The following INTS2 variants were observed in gnomAD, a reference collection of about 807,000 sequenced individuals.
The protein encoded by INTS2 is KIAA1287.
INTS2 carries 57 observed loss-of-function variants against 139.6 expected under a neutral mutation model. That is an observed-to-expected ratio of 0.41 (90% CI 0.33 to 0.51). INTS2 has a LOEUF of 0.51. INTS2 is among the 20% of genes least tolerant of loss of function. The pLI is 0.28. For synonymous variants in INTS2, 473 were observed against 493.4 expected (o/e 0.96, Z 0.55); for missense variants, 1,196 against 1,436.7 (o/e 0.83, Z 2.71).
In INTS2 at chr17:61,897,679, C is replaced by T. The variant is rs897048190; in HGVS notation, c.1368G>A (p.Ala456=). The T allele has an allele frequency of 5.0e-6, 8 of 1,605,632 alleles. No individual in the cohort carries two copies. The highest frequency in any genetic ancestry group is 1.7e-5 in the Admixed American group (1 of 58,864). ...VWLSWMIKEE[A]YFESTSGVSA... Reference sequence around the variant, plus strand: ...TCAAATTATCTTACCTCTCAAAATACGCTTCTTCTTTTATCATCCAACTTA... The same window carrying T: ...TCAAATTATCTTACCTCTCAAAATATGCTTCTTCTTTTATCATCCAACTTA... Residue 456 remains alanine, a synonymous_variant, in exon 10 of 25, where the codon GCG becomes GCA. Coordinates refer to ENST00000251334, the MANE Select transcript of INTS2 (RefSeq NM_001351695.2). The surrounding 1 kb of genome is among the most constrained non-coding windows in gnomAD (Gnocchi z 4.4).
Position 61,869,146 on chromosome 17 carries a change from T to C in INTS2, c.3139-7A>G. The C allele has an allele frequency of 1.9e-6, 3 of 1,571,888 alleles. No individual in the cohort carries two copies. The highest frequency in any genetic ancestry group is 2.6e-6 in the Non-Finnish European group (3 of 1,144,046). Reference sequence around the variant, plus strand: ...GCAACTGGATAGCAAATATCTGCAATACAAAATCCAGTTATTACATGTTTC... The same window carrying C: ...GCAACTGGATAGCAAATATCTGCAACACAAAATCCAGTTATTACATGTTTC... On this transcript the variant is annotated splice_region_variant and splice_polypyrimidine_tract_variant and intron_variant, in intron 22 of 24. Transcript: ENST00000251334. This position sits in a 1 kb window ranked among gnomAD's most constrained non-coding sequence, Gnocchi z 5.4.
intron 4 of INTS2, 42 bp from the exon 5 acceptor site, chr17:61,919,555 G>A (rs1253738792): frequency 1.0e-6 from 1 of 1,003,102 alleles, no homozygotes; most frequent in Non-Finnish European, 1.5e-6. Flanking sequence ...GTTAACAGGT[G>A]CACTCCACCA....
At chr17:61,911,830 C>T in intron 6 of INTS2, 110 bp downstream of exon 6, 2 of 1,403,594 alleles carry the variant, frequency 1.4e-6, no homozygotes, top group East Asian at 2.3e-5. Flanking sequence ...GGTAACATAT[C>T]CAGTATATAA....
Position 61,909,823 on chromosome 17 carries a change from A to ATGTGTGTG in INTS2, c.954+1689_954+1696dup, listed in dbSNP as rs78460850. Among the ~76,000 whole-genome samples, 351 of 138,884 alleles carry ATGTGTGTG rather than the reference A, an allele frequency of 2.5e-3. No homozygotes were observed. The highest frequency in any genetic ancestry group is 8.6e-3 in the African/African-American group (332 of 38,626). 91.1% of individuals were successfully genotyped at this position (138,884 alleles called of 152,430 possible). ...TATACGTGTGTGTGTACATGTGTGTATGTGTGTGTGTGTGTGTGTGTGTGT... is the reference window on the plus strand; with the variant it reads ...TATACGTGTGTGTGTACATGTGTGTATGTGTGTGTGTGTGTGTGTGTGTGTGTGTGTGT... On this transcript the variant is annotated intron_variant, in intron 7 of 24. Coordinates refer to ENST00000251334, the MANE Select transcript of INTS2 (RefSeq NM_001351695.2). This position sits in a 1 kb window ranked among gnomAD's most constrained non-coding sequence, Gnocchi z 4.9.
At position 61,867,768 on chromosome 17, in the gene INTS2, G is replaced by T; in HGVS notation, c.3422-42C>A. 1.3e-6 allele frequency: 2 copies of T among 1,559,806 alleles called. No individual in the cohort carries two copies. Among genetic ancestry groups the T allele is most frequent in the Non-Finnish European group, 1.7e-6 (2 of 1,154,974 alleles). On this transcript the variant is annotated intron_variant, in intron 24 of 24. Transcript: ENST00000251334. The surrounding 1 kb of genome is among the most constrained non-coding windows in gnomAD (Gnocchi z 5.6). ...AAAAAACATTAAGGCCAAGAAATTT[G>T]GAAAGGAATTTGGCCTTTTTGTTTG...
rs1331783125 is a variant in INTS2, at chr17:61,907,455, A to G, written c.1134T>C (p.Ser378=). 6.2e-7 allele frequency: 1 copy of G among 1,601,178 alleles called. No individual in the cohort carries two copies. The highest frequency in any genetic ancestry group is 8.5e-7 in the Non-Finnish European group (1 of 1,174,080). The change falls in exon 8 of 25, where the codon AGT becomes AGC. Residue 378 remains serine (S), a synonymous_variant. Coordinates refer to ENST00000251334, the MANE Select transcript of INTS2 (RefSeq NM_001351695.2). ...AAGCACAGTACAGACGTAAGAGTGC[A>G]CTGGCTTTCACAACATGCTCTTCTT... The part of the protein sequence containing the change: ...GLKEEHVVKA[S]ALLRLYCALM...
rs1203415642 is a variant in INTS2, at chr17:61,876,658, G to T, written c.2456+1229C>A. On this transcript the variant is annotated intron_variant, in intron 18 of 24. Coordinates refer to ENST00000251334, the MANE Select transcript of INTS2 (RefSeq NM_001351695.2). The surrounding 1 kb of genome is among the most constrained non-coding windows in gnomAD (Gnocchi z 4.1). ...GGGTTTCACCATGTTGCCCAAGCTG[G>T]TCTTGAACTCCTGAGCTCAGGTGAT... Among the ~76,000 whole-genome samples, 3 of 152,020 alleles carry T rather than the reference G, an allele frequency of 2.0e-5. No homozygotes were observed. Among genetic ancestry groups the T allele is most frequent in the Non-Finnish European group, 4.4e-5 (3 of 68,010 alleles).
rs2079694324 is a variant in INTS2 at position 61,924,993 on chromosome 17, C to T, written c.400G>A (p.Val134Met). 6.2e-7 allele frequency: 1 copy of T among 1,613,206 alleles called. No individual in the cohort carries two copies. Among genetic ancestry groups the T allele is most frequent in the Non-Finnish European group, 8.5e-7 (1 of 1,179,580 alleles). The change falls in exon 3 of 25, where the codon GTG becomes ATG. Residue 134 changes from valine to methionine, a missense_variant. Val to Met is a conservative substitution (Grantham distance 21). Transcript: ENST00000251334. ...ATAATTGCCAACAGTTCACTAAGCACAAGACGCAATCGACGAGGTGAATCA... is the reference window on the plus strand; with the variant it reads ...ATAATTGCCAACAGTTCACTAAGCATAAGACGCAATCGACGAGGTGAATCA... Reference protein sequence around the residue: ...HSDSPRRLRLVLSELLAIMNK... With the variant: ...HSDSPRRLRLMLSELLAIMNK...
intron 3 of INTS2, among the ~76,000 whole-genome samples, chr17:61,923,982 A>C (rs941516096): frequency 6.6e-6 from 1 of 152,198 alleles, no homozygotes; most frequent in Non-Finnish European, 1.5e-5. Flanking sequence ...TAGAACTTTG[A>C]CATTCAAAAA....
chr17:61,906,595 G>T (rs139124270), intron 8 of INTS2, among the ~76,000 whole-genome samples: 2 of 152,064 alleles, frequency 1.3e-5, no homozygotes, highest in Non-Finnish European at 2.9e-5. Context: ...ATAAACTGGC[G>T]TAACTGAAAC....
chr17:61,887,936 C>T (rs954962023), intron 15 of INTS2, among the ~76,000 whole-genome samples: 11 of 152,084 alleles, frequency 7.2e-5, no homozygotes, highest in African/African-American at 2.4e-4. Context: ...CCTGTAATCC[C>T]AGCTATTCAG....
At position 61,885,757 on chromosome 17, in the gene INTS2, T is replaced by A. The variant is rs1448608714; in HGVS notation, c.1985-752A>T. ...TTTTTTTTTTTTTTTTGAGACAGAG[T>A]CTCGCTCTGTCACCAGGCTGGAGTG... On this transcript the variant is annotated intron_variant, in intron 15 of 24. Coordinates refer to ENST00000251334, the MANE Select transcript of INTS2 (RefSeq NM_001351695.2). 4.8e-5 allele frequency among the ~76,000 whole-genome samples: 6 copies of A among 124,408 alleles called. No homozygotes were observed. The East Asian group carries it at 1.4e-3, about 30-fold the overall frequency. The allele number at this position is 124,408 out of a possible 152,430, so 81.6% of individuals were successfully genotyped here.
At position 61,869,101 on chromosome 17, in the gene INTS2, T is replaced by C. The variant is rs753396255; in HGVS notation, c.3177A>G (p.Gln1059=). The C allele has an allele frequency of 1.6e-5, 25 of 1,612,642 alleles. No individual in the cohort carries two copies. The highest frequency in any genetic ancestry group is 2.0e-5 in the Non-Finnish European group (24 of 1,178,920). The change falls in exon 23 of 25, where the codon CAA becomes CAG. Residue 1059 remains glutamine, a synonymous_variant. Transcript: ENST00000251334. This position sits in a 1 kb window ranked among gnomAD's most constrained non-coding sequence, Gnocchi z 5.4. ...CACTAAGTGACTTTGGTAATGCATA[T>C]TGTATACACAAGTGAGAAAGCAACT... is the stretch of plus-strand genomic sequence containing the variant. ...AIQLLSHLCI[Q]YALPKSLSVA...
intron 5 of INTS2, among the ~76,000 whole-genome samples, chr17:61,916,476 A>G (rs1431619957): frequency 6.6e-6 from 1 of 152,172 alleles, no homozygotes; most frequent in East Asian, 1.9e-4. Flanking sequence ...AACAGAATAG[A>G]AAACCCAGAA....
At position 61,872,638 on chromosome 17, in the gene INTS2, C is replaced by T. The variant is rs1225774742; in HGVS notation, c.2583-178G>A. On this transcript the variant is annotated intron_variant, in intron 19 of 24. Transcript: ENST00000251334. This position sits in a 1 kb window ranked among gnomAD's most constrained non-coding sequence, Gnocchi z 4.8. ...TATATGTTTCTTATTCTCTGTATTT[C>T]AAGCCCTTATATAAATAGTATTACT... Among the ~76,000 whole-genome samples, 2 of 152,156 alleles carry T rather than the reference C, an allele frequency of 1.3e-5. No individual in the cohort carries two copies. The highest frequency in any genetic ancestry group is 4.8e-5 in the African/African-American group (2 of 41,438).
rs563130857 is a variant in INTS2 at position 61,875,257 on chromosome 17, G to C, written c.2457-219C>G. ...GTAAACACAAAGTAGTTTCAGAAAC[G>C]TTCACAGTTGTAATGGAATAATCAT... On this transcript the variant is annotated intron_variant, in intron 18 of 24. Coordinates refer to ENST00000251334, the MANE Select transcript of INTS2 (RefSeq NM_001351695.2). This position sits in a 1 kb window ranked among gnomAD's most constrained non-coding sequence, Gnocchi z 4.6. Among the ~76,000 whole-genome samples the C allele has an allele frequency of 3.3e-5, 5 of 152,140 alleles. No homozygotes were observed. Among genetic ancestry groups the C allele is most frequent in the Admixed American group, 1.3e-4 (2 of 15,280 alleles).
At chr17:61,890,631 C>T (rs985463384) in intron 14 of INTS2, among the ~76,000 whole-genome samples, 1 of 151,054 alleles carries the variant, frequency 6.6e-6, no homozygotes, top group Admixed American at 6.6e-5. Flanking sequence ...AAAAAATCCC[C>T]CTAAATGAAT....
chr17:61,886,712 C>T (rs2079232411), intron 15 of INTS2, among the ~76,000 whole-genome samples: 1 of 152,192 alleles, frequency 6.6e-6, no homozygotes, highest in African/African-American at 2.4e-5. Flanking sequence ...AGGTACTTTC[C>T]TTTACACCAC....
intron 11 of INTS2, 79 bp from the exon 12 acceptor site, chr17:61,895,462 G>A (rs1298573951): frequency 2.6e-6 from 2 of 768,314 alleles, no homozygotes; most frequent in East Asian, 2.9e-5. Flanking sequence ...ATCTAAAATG[G>A]CTATGATACA....
Sources: allele counts gnomAD v4.1 joint callset (sites outside exome capture counted in the v4.1 genomes callset), GRCh38; gene constraint gnomAD v4.1.1; non-coding constraint Gnocchi (gnomAD v3.1); transcripts MANE v1.5; gene names NCBI Gene and HGNC (gene_info 2026-07-23, HGNC 2026-07-21).